Variants in CAPN9 observed in about 807,000 individuals in gnomAD.
CAPN9 encodes calpain-9.
CAPN9 carries 81 observed loss-of-function variants against 92.8 expected under a neutral mutation model. That is an observed-to-expected ratio of 0.87 (90% CI 0.73 to 1.05). The LOEUF (loss-of-function observed/expected upper bound fraction) is 1.05. CAPN9 is among the 50% of genes least tolerant of loss of function. CAPN9 has a pLI of 0.00. For synonymous variants in CAPN9, 304 were observed against 328.0 expected, an observed-to-expected ratio of 0.93 and a Z score of 0.79; for missense variants, 848 against 866.2, an observed-to-expected ratio of 0.98 and a Z score of 0.26.
At chr1:230,799,993 A>C (rs971819502) in intron 19 of CAPN9, among the ~76,000 whole-genome samples, 1 of 151,918 alleles carries the variant, frequency 6.6e-6, no homozygotes, top group African/African-American at 2.4e-5. Context: ...CCTGGCTAAC[A>C]CGGTGAAACC....
intron 14 of CAPN9, among the ~76,000 whole-genome samples, chr1:230,791,004 C>T (rs570971733): frequency 6.6e-6 from 1 of 152,336 alleles, no homozygotes; most frequent in East Asian, 1.9e-4. Flanking sequence ...TGGCTTTTCT[C>T]ACATGGTGTG....
At chr1:230,761,896 AAC>A (rs1428314846) in intron 3 of CAPN9, among the ~76,000 whole-genome samples, 2 of 152,296 alleles carry the variant, frequency 1.3e-5, no homozygotes, top group African/African-American at 2.4e-5. Context: ...CATGTGCTCA[AAC>A]ACACACGTGT....
chr1:230,786,113 A>G, intron 12 of CAPN9, 96 bp downstream of exon 12: 1 of 1,605,960 alleles, frequency 6.2e-7, no homozygotes, highest in Non-Finnish European at 8.5e-7. Flanking sequence ...TCTGCAGTTC[A>G]GGGATGGTTA....
chr1:230,782,437 T>C (rs1166796749), intron 11 of CAPN9, among the ~76,000 whole-genome samples: 1 of 152,222 alleles, frequency 6.6e-6, no homozygotes, highest in African/African-American at 2.4e-5. Flanking sequence ...TGACTTTGTA[T>C]CAGTTTTTCT....
intron 4 of CAPN9, among the ~76,000 whole-genome samples, chr1:230,767,214 A>G (rs1465818864): frequency 6.6e-6 from 1 of 152,138 alleles, no homozygotes; most frequent in Non-Finnish European, 1.5e-5. Context: ...CATTTTGCAT[A>G]TAAGAAAATG....
intron 1 of CAPN9, 61 bp from the exon 2 acceptor site, chr1:230,755,276 C>T (rs989145092): frequency 1.6e-5 from 21 of 1,334,644 alleles, no homozygotes; most frequent in Non-Finnish European, 2.0e-5. Flanking sequence ...CCTGAGCCTA[C>T]CCTTTCATAG....
At chr1:230,785,383 C>G (rs1667513200) in intron 11 of CAPN9, among the ~76,000 whole-genome samples, 1 of 152,112 alleles carries the variant, frequency 6.6e-6, no homozygotes, top group Non-Finnish European at 1.5e-5. Context: ...GAATATGTGT[C>G]CCCACCAAAT....
Position 230,778,993 on chromosome 1 carries a change from A to G in CAPN9, c.974A>G (p.Lys325Arg), listed in dbSNP as rs1250539749. The change falls in exon 9 of 20, where the codon AAG becomes AGG. Residue 325 changes from lysine to arginine, a missense_variant. Transcript: ENST00000271971. ...TGCAGGATGGCATTTAAGGACTTCA[A>G]GGCCCACTTTGATAAAGTGGAGATC... ...GEFWMAFKDF[K>R]AHFDKVEICN... 6.2e-7 allele frequency: 1 copy of G among 1,613,796 alleles called. No homozygotes were observed. The highest frequency in any genetic ancestry group is 8.5e-7 in the Non-Finnish European group (1 of 1,179,904).
rs1410595521 is a variant in CAPN9 at position 230,767,680 on chromosome 1, A to G, written c.676A>G (p.Arg226Gly). Residue 226 changes from arginine (R) to glycine (G), a missense_variant, in exon 5 of 20, where the codon AGA (arginine) becomes GGA (glycine). Arg to Gly is a moderately radical substitution (Grantham distance 125, BLOSUM62 -2). Coordinates refer to ENST00000271971, the MANE Select transcript of CAPN9 (RefSeq NM_006615.3). ...FYEILEKALK[R>G]GSLLGCFIDT... ...TGAGATTCTAGAGAAGGCTTTGAAG[A>G]GAGGCTCCCTGCTGGGCTGCTTCAT... The G allele has an allele frequency of 5.0e-6, 8 of 1,613,066 alleles. No homozygotes were observed. The highest frequency in any genetic ancestry group is 2.7e-5 in the African/African-American group (2 of 74,654).
intron 6 of CAPN9, among the ~76,000 whole-genome samples, chr1:230,771,444 C>T (rs909508274): frequency 3.3e-5 from 5 of 152,272 alleles, no homozygotes; most frequent in African/African-American, 9.6e-5. Context: ...CAGGAATCCT[C>T]ACAGACACCT....
At chr1:230,769,441 T>C (rs899444741) in intron 6 of CAPN9, among the ~76,000 whole-genome samples, 178 bp downstream of exon 6, 1 of 152,226 alleles carries the variant, frequency 6.6e-6, no homozygotes, top group Non-Finnish European at 1.5e-5. Flanking sequence ...AGAGAAACCA[T>C]GTGATTCCAC....
chr1:230,775,027 C>T (rs12729248), intron 8 of CAPN9, among the ~76,000 whole-genome samples: 25,572 of 152,128 alleles, frequency 0.17, 2,279 homozygotes, highest in Middle Eastern at 0.22. Flanking sequence ...AGGTATGAGC[C>T]ACCACGCCCA....
Position 230,769,125 on chromosome 1 carries a change from G to A in CAPN9, c.706-55G>A. ...CAGGCATGTAGCTGGGTCTGATCCA[G>A]CAGGGGAGGCTTGACTTAGACGGTG... On this transcript the variant is annotated intron_variant, in intron 5 of 19. Transcript: ENST00000271971. The A allele has an allele frequency of 2.8e-6, 4 of 1,415,930 alleles. No individual in the cohort carries two copies. In the East Asian group the frequency reaches 6.8e-5, roughly 24 times the overall value. 87.7% of individuals were successfully genotyped at this position (1,415,930 alleles called of 1,614,324 possible).
At chr1:230,794,077 G>A (rs555484672) in intron 17 of CAPN9, among the ~76,000 whole-genome samples, 2 of 152,308 alleles carry the variant, frequency 1.3e-5, no homozygotes, top group South Asian at 2.1e-4. Flanking sequence ...TTAGGAAGAA[G>A]CAGAAAGACC....
intron 19 of CAPN9, among the ~76,000 whole-genome samples, chr1:230,800,573 C>CTG: frequency 6.6e-6 from 1 of 152,086 alleles, no homozygotes; most frequent in Non-Finnish European, 1.5e-5. Context: ...GGTGTAGGGG[C>CTG]TGGAATAGGC....
At chr1:230,764,023 TG>T (rs2102856782) in intron 4 of CAPN9, among the ~76,000 whole-genome samples, 1 of 152,172 alleles carries the variant, frequency 6.6e-6, no homozygotes, top group African/African-American at 2.4e-5. Flanking sequence ...AAAGATTTAT[TG>T]GGGTCACTTA....
chr1:230,793,358 C>A (rs1443764587), intron 17 of CAPN9, among the ~76,000 whole-genome samples: 2 of 152,196 alleles, frequency 1.3e-5, no homozygotes, highest in Admixed American at 6.5e-5. Context: ...TTGGGGTCCG[C>A]ACGTCCCTCT....
intron 11 of CAPN9, among the ~76,000 whole-genome samples, chr1:230,784,673 G>A (rs951680425): frequency 2.0e-5 from 3 of 152,262 alleles, no homozygotes; most frequent in South Asian, 2.1e-4. Flanking sequence ...CTAGATTTCA[G>A]AGGATGTATG....
intron 17 of CAPN9, among the ~76,000 whole-genome samples, chr1:230,794,945 C>T (rs747377509): frequency 9.2e-5 from 14 of 152,204 alleles, no homozygotes; most frequent in African/African-American, 1.9e-4. Flanking sequence ...GAGAGTCCCC[C>T]GCACACTCGC....
Sources: gnomAD v4.1 joint callset for allele counts (sites outside exome capture counted in the v4.1 genomes callset) on GRCh38, gnomAD v4.1.1 for gene constraint, MANE v1.5 for transcripts, NCBI Gene and HGNC (gene_info 2026-07-23, HGNC 2026-07-21) for gene names.